The following NARS2 variants were observed in gnomAD, a reference collection of about 807,000 sequenced individuals.
NARS2 encodes asparaginyl-tRNA synthetase.
NARS2 carries 60 observed loss-of-function variants against 62.9 expected under a neutral mutation model. The observed-to-expected ratio is 0.95, with a 90% CI of 0.77 to 1.18. The LOEUF (loss-of-function observed/expected upper bound fraction) is 1.18. Among genes scored for constraint, NARS2 ranks in the 50% most tolerant of loss-of-function variants. NARS2 has a pLI of 0.00. For synonymous variants in NARS2, 196 were observed against 200.0 expected (o/e 0.98, Z 0.17); for missense variants, 619 against 576.4 (o/e 1.07, Z -0.76).
intron 11 of NARS2, among the ~76,000 whole-genome samples, chr11:78,465,072 G>A (rs1419372946): frequency 6.6e-6 from 1 of 152,330 alleles, no homozygotes; most frequent in Non-Finnish European, 1.5e-5. Context: ...CGGAGGGGTG[G>A]GGAGGCTCAG....
At chr11:78,461,745 A>G (rs921410259) in intron 11 of NARS2, among the ~76,000 whole-genome samples, 1 of 149,606 alleles carries the variant, frequency 6.7e-6, no homozygotes, top group African/African-American at 2.5e-5. Context: ...TCAGTTTGAG[A>G]CCAGCCTGGG....
chr11:78,480,094 C>T (rs1227634317), intron 7 of NARS2, among the ~76,000 whole-genome samples: 1 of 151,870 alleles, frequency 6.6e-6, no homozygotes, highest in Non-Finnish European at 1.5e-5. Flanking sequence ...GAGATTAGGT[C>T]TCGCTATATT....
chr11:78,515,589 G>C (rs984000331), intron 6 of NARS2, among the ~76,000 whole-genome samples: 4 of 151,968 alleles, frequency 2.6e-5, no homozygotes, highest in African/African-American at 9.7e-5. Context: ...TGTGTTTATA[G>C]CTCACTGCAG....
intron 5 of NARS2, among the ~76,000 whole-genome samples, chr11:78,546,282 G>A (rs1301723803): frequency 3.9e-5 from 6 of 152,174 alleles, no homozygotes; most frequent in Admixed American, 2.0e-4. Flanking sequence ...TCTCACAGTA[G>A]CACAGTACCT....
intron 5 of NARS2, among the ~76,000 whole-genome samples, chr11:78,546,180 T>G (rs532185400): frequency 3.3e-5 from 5 of 152,332 alleles, no homozygotes; most frequent in Admixed American, 3.3e-4. Context: ...TAATCACAAG[T>G]CTGGTGCCTT....
intron 7 of NARS2, among the ~76,000 whole-genome samples, chr11:78,489,075 T>G (rs1309734659): frequency 2.0e-5 from 3 of 152,136 alleles, no homozygotes; most frequent in Non-Finnish European, 1.5e-5. Flanking sequence ...TAAAGAGTTC[T>G]TAGACTTGAC....
intron 5 of NARS2, among the ~76,000 whole-genome samples, chr11:78,534,537 G>A (rs1416599272): frequency 6.6e-6 from 1 of 152,182 alleles, no homozygotes; most frequent in Middle Eastern, 3.2e-3. Context: ...CTGACTGACT[G>A]ATAATGAGTG....
Position 78,566,195 on chromosome 11 carries a change from G to A in NARS2, c.450C>T (p.Asn150=), listed in dbSNP as rs186895127. The A allele has an allele frequency of 1.2e-5, 19 of 1,612,892 alleles. No individual in the cohort carries two copies. The highest frequency in any genetic ancestry group is 4.5e-5 in the East Asian group (2 of 44,858). Residue 150 remains asparagine (N), a synonymous_variant, in exon 4 of 14, where the codon AAC becomes AAT. Transcript: ENST00000281038. ...GAATCCTCAATATAGAACCCAGAAC[G>A]TTAGTCCTACACCTAAAGTGAGGAT... The part of the protein sequence containing the change: ...RQYPHFRCRT[N]VLGSILRIRS...
At chr11:78,532,866 T>C (rs1382926814) in intron 5 of NARS2, among the ~76,000 whole-genome samples, 1 of 152,204 alleles carries the variant, frequency 6.6e-6, no homozygotes, top group Non-Finnish European at 1.5e-5. Flanking sequence ...AACTCATAAA[T>C]CAGCATTGTA....
At chr11:78,476,071 G>GGGGGTGGATGCTGAGGCTAGGT (rs1859081630) in intron 9 of NARS2, among the ~76,000 whole-genome samples, 2 of 152,342 alleles carry the variant, frequency 1.3e-5, no homozygotes, top group East Asian at 3.9e-4. Flanking sequence ...AGCAAAGCAT[G>GGGGGTGGATGCTGAGGCTAGGT]GGGGTGGATG....
chr11:78,502,505 G>A (rs1860318270), intron 6 of NARS2, among the ~76,000 whole-genome samples: 1 of 152,142 alleles, frequency 6.6e-6, no homozygotes, highest in Non-Finnish European at 1.5e-5. Context: ...TCACATAGGG[G>A]TTAGGACAAT....
In NARS2 at chr11:78,473,038, C is replaced by A. The variant is rs111334773; in HGVS notation, c.960-3725G>T. ...TAAAGCAGCCGGGTGTGGTGGCCTGCACCAGTTGTCTCAGTTACTCGGGAG... is the reference window on the plus strand; with the variant it reads ...TAAAGCAGCCGGGTGTGGTGGCCTGAACCAGTTGTCTCAGTTACTCGGGAG... On this transcript the variant is annotated intron_variant, in intron 9 of 13. Transcript: ENST00000281038. 3.6e-3 allele frequency among the ~76,000 whole-genome samples: 547 copies of A among 152,318 alleles called. 4 individuals carry two copies. Among genetic ancestry groups the A allele is most frequent in the Non-Finnish European group, 5.6e-3 (382 of 68,022 alleles).
intron 11 of NARS2, among the ~76,000 whole-genome samples, chr11:78,453,912 A>G (rs1692215369): frequency 6.6e-6 from 1 of 152,260 alleles, no homozygotes; most frequent in Admixed American, 6.5e-5. Flanking sequence ...TGAAAGAGGC[A>G]AAAGTCTTAC....
chr11:78,496,451 G>A (rs746233638), intron 6 of NARS2, among the ~76,000 whole-genome samples: 1 of 151,980 alleles, frequency 6.6e-6, no homozygotes, highest in Non-Finnish European at 1.5e-5. Context: ...AGTTCAGATG[G>A]GTTAAGAAGC....
chr11:78,543,300 A>G (rs1223061789), intron 5 of NARS2, among the ~76,000 whole-genome samples: 1 of 152,274 alleles, frequency 6.6e-6, no homozygotes, highest in Non-Finnish European at 1.5e-5. Context: ...CTTGAAGTCA[A>G]CAATGCCATG....
At chr11:78,440,268 T>C (rs2135132432) in intron 13 of NARS2, among the ~76,000 whole-genome samples, 1 of 152,140 alleles carries the variant, frequency 6.6e-6, no homozygotes, top group Non-Finnish European at 1.5e-5. Context: ...TTCACCATGT[T>C]GGCCAGGCTC....
At chr11:78,532,136 T>C in intron 5 of NARS2, among the ~76,000 whole-genome samples, 1 of 152,188 alleles carries the variant, frequency 6.6e-6, no homozygotes, top group East Asian at 1.9e-4. Context: ...AAATTTGTAA[T>C]CTTACGTACT....
intron 5 of NARS2, 85 bp downstream of exon 5, chr11:78,559,454 C>G: frequency 1.1e-6 from 1 of 897,354 alleles, no homozygotes; most frequent in South Asian, 1.4e-5. Flanking sequence ...AGTCTTCTGT[C>G]CACAAAACTA....
intron 5 of NARS2, among the ~76,000 whole-genome samples, chr11:78,545,053 A>G (rs926188310): frequency 1.5e-4 from 23 of 152,288 alleles, no homozygotes; most frequent in Non-Finnish European, 2.2e-4. Flanking sequence ...GCAGTTCTTT[A>G]TATCTCTATA....
Sources: gnomAD v4.1 joint callset for allele counts (sites outside exome capture counted in the v4.1 genomes callset) on GRCh38, gnomAD v4.1.1 for gene constraint, MANE v1.5 for transcripts, NCBI Gene and HGNC (gene_info 2026-07-23, HGNC 2026-07-21) for gene names.